ARID5B: variants seen among roughly 807,000 people sequenced by gnomAD.
ARID5B encodes the protein AT-rich interaction domain 5B, also known as AT-rich interactive domain-containing protein 5B.
In ARID5B, 13 loss-of-function variants were observed where a neutral mutation model predicts 97.2. That is an observed-to-expected ratio of 0.13 (90% confidence interval 0.09 to 0.21). ARID5B has a LOEUF of 0.21. Among genes scored for constraint, ARID5B ranks in the 10% least tolerant of loss-of-function variants. ARID5B has a pLI of 1.00. For synonymous variants in ARID5B, 556 were observed against 570.3 expected, an observed-to-expected ratio of 0.97 and a Z score of 0.36; for missense variants, 1,210 against 1,465.3, an observed-to-expected ratio of 0.83 and a Z score of 2.84.
intron 2 of ARID5B, among the ~76,000 whole-genome samples, chr10:61,921,160 T>G (rs1272778024): frequency 6.6e-6 from 1 of 152,234 alleles, no homozygotes; most frequent in Non-Finnish European, 1.5e-5. Context: ...GTGTTAAAGA[T>G]GGTTGTATCG....
intron 3 of ARID5B, among the ~76,000 whole-genome samples, chr10:61,970,664 A>G (rs1486067510): frequency 6.6e-6 from 1 of 152,184 alleles, no homozygotes; most frequent in East Asian, 1.9e-4. Context: ...TGGAACAGGA[A>G]ACTGTTAGGT....
At position 62,092,760 on chromosome 10, in the gene ARID5B, T is replaced by C. The variant is rs1840403175; in HGVS notation, c.3297T>C (p.Tyr1099=). ...SGLNSRLPAG[Y]SHSLQYLKNQ... ...TCAACTCCAGGCTCCCGGCTGGGTA[T>C]TCTCATTCTCTGCAGTACTTGAAAA... The change falls in exon 10 of 10, where the codon TAT becomes TAC. Residue 1099 remains tyrosine (Y), a synonymous_variant. Transcript: ENST00000279873. 3 of 1,614,188 alleles carry C rather than the reference T, an allele frequency of 1.9e-6. No individual in the cohort carries two copies. Among genetic ancestry groups the C allele is most frequent in the Non-Finnish European group, 2.5e-6 (3 of 1,180,020 alleles).
Position 62,000,414 on chromosome 10 carries a change from T to TTGTGAAAGTGAGC in ARID5B, c.733+93_733+94insTGTGAAAGTGAGC. The TTGTGAAAGTGAGC allele has an allele frequency of 8.2e-7, 1 of 1,217,370 alleles. No homozygotes were observed. The highest frequency in any genetic ancestry group is 1.1e-6 in the Non-Finnish European group (1 of 879,708). The allele number at this position is 1,217,370 out of a possible 1,614,324, so 75.4% of individuals were successfully genotyped here. Reference sequence around the variant, plus strand: ...GAAGAGCGGTGATGGGGAACGGGGCTCACTTTCACAAGCCCCATGTGCTGC... The same window carrying TTGTGAAAGTGAGC: ...GAAGAGCGGTGATGGGGAACGGGGCTTGTGAAAGTGAGCCACTTTCACAAGCCCCATGTGCTGC... On this transcript the variant is annotated intron_variant, in intron 4 of 9. Coordinates refer to ENST00000279873, the MANE Select transcript of ARID5B (RefSeq NM_032199.3). The surrounding 1 kb of genome is among the most constrained non-coding windows in gnomAD (Gnocchi z 4.4).
intron 4 of ARID5B, among the ~76,000 whole-genome samples, chr10:62,005,691 G>A (rs780431539): frequency 2.4e-4 from 37 of 152,146 alleles, no homozygotes; most frequent in Non-Finnish European, 4.7e-4. Context: ...GAGATGAAGG[G>A]ACAAAACCTT....
At chr10:62,085,641 A>G in intron 8 of ARID5B, 61 bp from the exon 9 acceptor site, 1 of 1,366,306 alleles carries the variant, frequency 7.3e-7, no homozygotes, top group Non-Finnish European at 1.0e-6. Flanking sequence ...GTAAACCCCC[A>G]TAGCATTGAT....
chr10:61,940,289 C>T lies in ARID5B; in HGVS notation c.383C>T (p.Pro128Leu). The change falls in exon 3 of 10, where the codon CCA becomes CTA. Residue 128 changes from proline to leucine, a missense_variant. Pro to Leu is a moderately conservative substitution (Grantham distance 98). Coordinates refer to ENST00000279873, the MANE Select transcript of ARID5B (RefSeq NM_032199.3). Reference sequence around the variant, plus strand: ...TGGAGATGTGGCTTCCACGCTGGACCAGTGAAAACTGAGGCCTTGGGAAGG... The same window carrying T: ...TGGAGATGTGGCTTCCACGCTGGACTAGTGAAAACTGAGGCCTTGGGAAGG... ...SKWRCGFHAG[P>L]VKTEALGRNG... 1.2e-6 allele frequency: 2 copies of T among 1,614,160 alleles called. No individual in the cohort carries two copies. Among genetic ancestry groups the T allele is most frequent in the Non-Finnish European group, 1.7e-6 (2 of 1,180,036 alleles).
intron 2 of ARID5B, among the ~76,000 whole-genome samples, chr10:61,903,606 G>C (rs537078764): frequency 6.6e-6 from 1 of 152,244 alleles, no homozygotes; most frequent in South Asian, 2.1e-4. Flanking sequence ...CTAGTGCTGT[G>C]CCAGGCTCTC....
intron 8 of ARID5B, among the ~76,000 whole-genome samples, chr10:62,083,513 TC>T (rs1189378503): frequency 6.6e-6 from 1 of 151,984 alleles, no homozygotes; most frequent in Non-Finnish European, 1.5e-5. Context: ...TCCTCCTCCT[TC>T]CCACACTCAG....
At chr10:62,032,980 A>T (rs954011108) in intron 4 of ARID5B, among the ~76,000 whole-genome samples, 6 of 152,112 alleles carry the variant, frequency 3.9e-5, no homozygotes, top group African/African-American at 1.4e-4. Context: ...AAAGCCTTCA[A>T]CCCTCTATGG....
intron 8 of ARID5B, among the ~76,000 whole-genome samples, chr10:62,082,880 G>A (rs1411709776): frequency 6.6e-6 from 1 of 152,152 alleles, no homozygotes; most frequent in Non-Finnish European, 1.5e-5. Flanking sequence ...GCGATTGTGT[G>A]CCGTGCGAGA....
chr10:62,035,453 C>G (rs561590099), intron 4 of ARID5B, among the ~76,000 whole-genome samples: 1 of 152,146 alleles, frequency 6.6e-6, no homozygotes, highest in Middle Eastern at 3.4e-3. Flanking sequence ...GTGCCAGGTG[C>G]CAGGATCAAA....
chr10:61,978,228 T>C (rs1156852454), intron 3 of ARID5B, among the ~76,000 whole-genome samples: 1 of 152,216 alleles, frequency 6.6e-6, no homozygotes, highest in African/African-American at 2.4e-5. Context: ...TATCTCTGTT[T>C]TGGTACCAGT....
chr10:62,069,902 T>G (rs770139711), intron 8 of ARID5B, 105 bp downstream of exon 8: 69 of 1,138,884 alleles, frequency 6.1e-5, no homozygotes, highest in Non-Finnish European at 8.2e-5. Context: ...TTTGGGAAAC[T>G]GAAAATTTCC....
intron 4 of ARID5B, among the ~76,000 whole-genome samples, chr10:62,028,979 A>G (rs1393815446): frequency 6.6e-6 from 1 of 151,044 alleles, no homozygotes; most frequent in African/African-American, 2.4e-5. Flanking sequence ...AAAAAAGCTC[A>G]TAGAAGTACA....
At chr10:61,954,890 C>A (rs1838370663) in intron 3 of ARID5B, among the ~76,000 whole-genome samples, 1 of 151,900 alleles carries the variant, frequency 6.6e-6, no homozygotes, top group South Asian at 2.1e-4. Flanking sequence ...CCTGTAATCC[C>A]AGCTACTTGG....
chr10:62,057,280 C>A lies in ARID5B; in HGVS notation c.1010C>A (p.Thr337Lys). The A allele has an allele frequency of 6.2e-7, 1 of 1,613,652 alleles. No homozygotes were observed. ...ALYKYMKERKTPIERIPYLGF... is the reference protein window; with the variant it reads ...ALYKYMKERKKPIERIPYLGF... ...TATAAATACATGAAAGAAAGGAAAA[C>A]GCCGATAGAACGAATACCCTATTTA... is the stretch of plus-strand genomic sequence containing the variant. The change falls in exon 6 of 10, where the codon ACG (threonine) becomes AAG (lysine). Residue 337 changes from threonine to lysine, a missense_variant. Physicochemically the swap from Thr to Lys is moderately conservative, Grantham distance 78. Coordinates refer to ENST00000279873, the MANE Select transcript of ARID5B (RefSeq NM_032199.3).
At chr10:62,063,205 C>T (rs774179026) in intron 7 of ARID5B, among the ~76,000 whole-genome samples, 2 of 152,124 alleles carry the variant, frequency 1.3e-5, no homozygotes, top group Non-Finnish European at 2.9e-5. Flanking sequence ...TAATTACTAG[C>T]TGAGATTTTT....
At chr10:61,907,717 G>A (rs544777881) in intron 2 of ARID5B, among the ~76,000 whole-genome samples, 1 of 152,390 alleles carries the variant, frequency 6.6e-6, no homozygotes, top group South Asian at 2.1e-4. Flanking sequence ...TGTGACAAGA[G>A]TCAGCCAAGT....
At position 62,092,634 on chromosome 10, in the gene ARID5B, G is replaced by A. The variant is rs773324043; in HGVS notation, c.3171G>A (p.Ala1057=). ...SEQESEGSKA[A]HGGHSGGGSE... ...AGGAGAGTGAAGGCAGCAAAGCAGC[G>A]CACGGTGGGCATTCCGGGGGCGGAT... Residue 1057 remains alanine (A), a synonymous_variant, in exon 10 of 10, where the codon GCG becomes GCA. Transcript: ENST00000279873. 1.9e-6 allele frequency: 3 copies of A among 1,614,048 alleles called. No homozygotes were observed. Among genetic ancestry groups the A allele is most frequent in the Non-Finnish European group, 2.5e-6 (3 of 1,180,022 alleles).
Sources: allele counts gnomAD v4.1 joint callset (sites outside exome capture counted in the v4.1 genomes callset), GRCh38; gene constraint gnomAD v4.1.1; non-coding constraint Gnocchi (gnomAD v3.1); transcripts MANE v1.5; gene names NCBI Gene and HGNC (gene_info 2026-07-23, HGNC 2026-07-21).